Variants in GMEB1 observed in about 807,000 individuals in gnomAD.
GMEB1 encodes the protein glucocorticoid modulatory element-binding protein 1.
GMEB1 carries 6 observed loss-of-function variants against 52.4 expected under a neutral mutation model. That is an observed-to-expected ratio of 0.11 (90% CI 0.06 to 0.23). The LOEUF is 0.23. Ranked by LOEUF, GMEB1 falls within the 10% of genes least tolerant of loss-of-function variation. The pLI, the probability that GMEB1 is intolerant of heterozygous loss-of-function variation, is 1.00. For missense variants in GMEB1, 486 were observed against 685.6 expected (o/e 0.71, Z 3.25); for synonymous variants, 255 against 244.9 (o/e 1.04, Z -0.38).
At chr1:28,671,244 C>T (rs1196454886) in intron 1 of GMEB1, among the ~76,000 whole-genome samples, 4 of 152,056 alleles carry the variant, frequency 2.6e-5, no homozygotes, top group Non-Finnish European at 5.9e-5. Context: ...TTAAACAAAA[C>T]TGTAGTTTAG....
intron 1 of GMEB1, among the ~76,000 whole-genome samples, chr1:28,671,334 ATCTCAGCTCACTGCAAACTCGATCC>A (rs1307825415): frequency 6.6e-6 from 1 of 151,928 alleles, no homozygotes; most frequent in South Asian, 2.1e-4. Context: ...GCATTGCGGG[ATCTCAGCTCACTGCAAACTCGATCC>A]TCTCAGCTCA....
Position 28,710,538 on chromosome 1 carries a change from A to G in GMEB1, c.887A>G (p.Asn296Ser), listed in dbSNP as rs1671003801. 1 of 1,609,380 alleles carries G rather than the reference A, an allele frequency of 6.2e-7. No individual in the cohort carries two copies. The highest frequency in any genetic ancestry group is 2.2e-5 in the East Asian group (1 of 44,680). The change falls in exon 9 of 10, where the codon AAT becomes AGT. Residue 296 changes from asparagine to serine, a missense_variant. Asn to Ser is a conservative substitution (Grantham distance 46, BLOSUM62 1). Around this residue, in one of 5 missense-constraint regions of GMEB1, gnomAD observed 200 missense variants for 253.5 expected, o/e 0.79. Transcript: ENST00000373816. ...TAAATAGATGCTGCTGTTCTCAACA[A>G]TGTAGCACACACATTTGGCCTAATG... ...FQVTDAAVLN[N>S]VAHTFGLMDT... is the part of the protein sequence containing the mutation.
At chr1:28,686,103 G>C (rs181113153) in intron 2 of GMEB1, among the ~76,000 whole-genome samples, 1 of 152,156 alleles carries the variant, frequency 6.6e-6, no homozygotes, top group African/African-American at 2.4e-5. Flanking sequence ...CACTTTAGGA[G>C]GCCAAGATGG....
At position 28,717,951 on chromosome 1, in the gene GMEB1, A is replaced by G. The variant is rs966874711; in HGVS notation, c.*3178A>G. ...TTTCCTCAAACAGCCTGTTTACTAGATGAATTTTCCAGCTGGTGAAATACA... is the reference window on the plus strand; with the variant it reads ...TTTCCTCAAACAGCCTGTTTACTAGGTGAATTTTCCAGCTGGTGAAATACA... On this transcript the variant is annotated 3_prime_UTR_variant, in exon 10 of 10. Transcript: ENST00000373816. 6.6e-6 allele frequency: 1 copy of G among 152,150 alleles called. No homozygotes were observed. The highest frequency in any genetic ancestry group is 2.4e-5 in the African/African-American group (1 of 41,430). 9.4% of individuals were successfully genotyped at this position (152,150 alleles called of 1,614,324 possible).
At chr1:28,686,516 C>T (rs1669648301) in intron 2 of GMEB1, among the ~76,000 whole-genome samples, 1 of 150,174 alleles carries the variant, frequency 6.7e-6, no homozygotes, top group Non-Finnish European at 1.5e-5. Flanking sequence ...GTAATCCCAG[C>T]TGCTTGGGAG....
intron 4 of GMEB1, among the ~76,000 whole-genome samples, chr1:28,692,589 G>T (rs1385971383): frequency 6.6e-6 from 1 of 151,856 alleles, no homozygotes; most frequent in Non-Finnish European, 1.5e-5. Context: ...GATAAAAATA[G>T]AATTGCTTAT....
rs1195464677 is a variant in GMEB1, at chr1:28,719,175, T to C, written c.*4402T>C. On this transcript the variant is annotated 3_prime_UTR_variant, in exon 10 of 10. Transcript: ENST00000373816. Reference sequence around the variant, plus strand: ...AAATGCCCCCAAAGCCTTCCTGCCATATGGTTTCCACGAAGGCCTGAGAGT... The same window carrying C: ...AAATGCCCCCAAAGCCTTCCTGCCACATGGTTTCCACGAAGGCCTGAGAGT... The C allele has an allele frequency of 6.6e-6, 1 of 152,284 alleles. No individual in the cohort carries two copies. Among genetic ancestry groups the C allele is most frequent in the African/African-American group, 2.4e-5 (1 of 41,456 alleles). The allele number at this position is 152,284 out of a possible 1,614,324, so 9.4% of individuals were successfully genotyped here. A position where few individuals can be genotyped will look rare whatever the true frequency, so the allele number is the denominator to read the frequency against.
intron 7 of GMEB1, among the ~76,000 whole-genome samples, chr1:28,703,844 T>C (rs184968181): frequency 1.4e-4 from 21 of 152,164 alleles, no homozygotes; most frequent in Admixed American, 5.2e-4. Context: ...AAATATCTCG[T>C]TTTTAAATTA....
Position 28,718,238 on chromosome 1 carries a change from G to A in GMEB1, c.*3465G>A, listed in dbSNP as rs1446417435. On this transcript the variant is annotated 3_prime_UTR_variant, in exon 10 of 10. Transcript: ENST00000373816. ...TGTGCCAGGCTTTGTGCTAGGCACTGACAGTAGAGAGATGAAGACATAGTC... is the reference window on the plus strand; with the variant it reads ...TGTGCCAGGCTTTGTGCTAGGCACTAACAGTAGAGAGATGAAGACATAGTC... 6.6e-6 allele frequency: 1 copy of A among 152,216 alleles called. No individual in the cohort carries two copies. Among genetic ancestry groups the A allele is most frequent in the African/African-American group, 2.4e-5 (1 of 41,454 alleles). The allele number at this position is 152,216 out of a possible 1,614,324, so 9.4% of individuals were successfully genotyped here. A position where few individuals can be genotyped will look rare whatever the true frequency, so the allele number is the denominator to read the frequency against.
chr1:28,706,530 G>T (rs1670776179), intron 8 of GMEB1, among the ~76,000 whole-genome samples: 1 of 147,698 alleles, frequency 6.8e-6, no homozygotes, highest in African/African-American at 2.4e-5. Context: ...CTTGAACCCG[G>T]CAGGTGGAGG....
intron 2 of GMEB1, among the ~76,000 whole-genome samples, chr1:28,688,514 A>T (rs935053856): frequency 9.2e-5 from 14 of 152,286 alleles, no homozygotes; most frequent in African/African-American, 3.4e-4. Flanking sequence ...AAGTTACATT[A>T]TCTGAGCCCA....
chr1:28,694,480 C>T (rs1391724172), intron 5 of GMEB1, among the ~76,000 whole-genome samples: 2 of 149,778 alleles, frequency 1.3e-5, no homozygotes, highest in Non-Finnish European at 3.0e-5. Flanking sequence ...AGGCATGAGC[C>T]ACCATGCCTG....
Position 28,714,213 on chromosome 1 carries a change from A to G in GMEB1, c.1132A>G (p.Thr378Ala). Residue 378 changes from threonine to alanine, a missense_variant, in exon 10 of 10, where the codon ACC becomes GCC. Thr to Ala is a moderately conservative substitution (Grantham distance 58). Around this residue, in one of 5 missense-constraint regions of GMEB1, gnomAD observed 200 missense variants for 253.5 expected, o/e 0.79. Transcript: ENST00000373816. ...GCCCCGGCTCCAGCGGCCAGCCTCCACCACTGTCTTGAGCCCTTCTCCTCC... is the reference window on the plus strand; with the variant it reads ...GCCCCGGCTCCAGCGGCCAGCCTCCGCCACTGTCTTGAGCCCTTCTCCTCC... ...KRPRLQRPAS[T>A]TVLSPSPPVQ... 2.5e-6 allele frequency: 4 copies of G among 1,614,140 alleles called. No individual in the cohort carries two copies. The highest frequency in any genetic ancestry group is 3.4e-6 in the Non-Finnish European group (4 of 1,180,024).
At position 28,689,154 on chromosome 1, in the gene GMEB1, C is replaced by G. The variant is rs960438232; in HGVS notation, c.129-950C>G. 2.6e-5 allele frequency among the ~76,000 whole-genome samples: 4 copies of G among 151,926 alleles called. No individual in the cohort carries two copies. The East Asian group carries it at 5.9e-4, about 22-fold the overall frequency. On this transcript the variant is annotated intron_variant, in intron 2 of 9. Coordinates refer to ENST00000373816, the MANE Select transcript of GMEB1 (RefSeq NM_001319674.2). ...CCGCCCGCTTTGTCCTTCCAAAGTG[C>G]TGGGATTACAGGCGTGAGCCACCGC...
intron 9 of GMEB1, among the ~76,000 whole-genome samples, chr1:28,713,136 C>T (rs1283932670): frequency 1.2e-4 from 17 of 141,716 alleles, no homozygotes; most frequent in African/African-American, 3.7e-4. Context: ...CCAGCCTGGG[C>T]GACAGAGCGA....
intron 9 of GMEB1, 108 bp from the exon 10 acceptor site, chr1:28,713,965 G>A (rs1671173848): frequency 1.3e-6 from 1 of 777,812 alleles, no homozygotes; most frequent in Non-Finnish European, 2.1e-6. Flanking sequence ...CTTGCCTGAA[G>A]CTACTTAGTA....
intron 8 of GMEB1, among the ~76,000 whole-genome samples, chr1:28,709,261 T>C (rs922331860): frequency 2.0e-5 from 3 of 151,986 alleles, no homozygotes; most frequent in African/African-American, 7.2e-5. Context: ...GAGCCAAGAT[T>C]GCGCCATTGC....
chr1:28,687,376 ACACAC>A lies in GMEB1; in HGVS notation c.129-2727_129-2723del, dbSNP rs1557504254. Among the ~76,000 whole-genome samples the A allele has an allele frequency of 1.9e-3, 240 of 124,648 alleles. 20 individuals are homozygous for A. The highest frequency in any genetic ancestry group is 3.9e-3 in the Middle Eastern group (1 of 258). The allele number at this position is 124,648 out of a possible 152,430, so 81.8% of individuals were successfully genotyped here. On this transcript the variant is annotated intron_variant, in intron 2 of 9. Transcript: ENST00000373816. ...CACACACACACACACACACACACAC[ACACAC>A]ACACACAAAAAAAGACAGTGGAGAA...
intron 9 of GMEB1, among the ~76,000 whole-genome samples, chr1:28,713,556 T>C (rs2124598224): frequency 6.6e-6 from 1 of 152,350 alleles, no homozygotes; most frequent in African/African-American, 2.4e-5. Flanking sequence ...TTTAGTTCTG[T>C]AATTTTTAGG....
Sources: gnomAD v4.1 joint callset for allele counts (sites outside exome capture counted in the v4.1 genomes callset) on GRCh38, gnomAD v4.1.1 for gene constraint, gnomAD v4.1.1 regional missense constraint, MANE v1.5 for transcripts, NCBI Gene and HGNC (gene_info 2026-07-23, HGNC 2026-07-21) for gene names.